Variants in GRIK2 observed in about 807,000 individuals in gnomAD.
GRIK2 encodes glutamate ionotropic receptor kainate type subunit 2.
A neutral mutation model predicts 100.3 loss-of-function variants in GRIK2; 32 were observed. The observed-to-expected ratio is 0.32, with a 90% CI of 0.24 to 0.43. The LOEUF is 0.43. Ranked by LOEUF, GRIK2 falls within the 20% of genes least tolerant of loss-of-function variation. The pLI is 1.00. For missense variants in GRIK2, 843 were observed against 1,114.9 expected (o/e 0.76, Z 3.47); for synonymous variants, 417 against 389.4 (o/e 1.07, Z -0.83).
chr6:101,865,624 C>T, intron 11 of GRIK2, among the ~76,000 whole-genome samples: 1 of 152,274 alleles, frequency 6.6e-6, no homozygotes, highest in East Asian at 1.9e-4. Context: ...TCGTGACTCA[C>T]ACCTGTAATC....
intron 2 of GRIK2, among the ~76,000 whole-genome samples, chr6:101,541,312 T>C (rs1775972014): frequency 6.6e-6 from 1 of 151,010 alleles, no homozygotes; most frequent in African/African-American, 2.4e-5. Context: ...GAAGATGGGA[T>C]GGGCTAGGAA....
At chr6:101,864,706 A>C (rs1191043729) in intron 11 of GRIK2, among the ~76,000 whole-genome samples, 1 of 152,142 alleles carries the variant, frequency 6.6e-6, no homozygotes, top group African/African-American at 2.4e-5. Flanking sequence ...ATGTTTTTGA[A>C]TGTTGCTATA....
intron 2 of GRIK2, among the ~76,000 whole-genome samples, chr6:101,472,109 A>G (rs192605400): frequency 1.3e-5 from 2 of 152,000 alleles, no homozygotes; most frequent in East Asian, 3.9e-4. Flanking sequence ...TATTTGCCAT[A>G]GAGCAATAAT....
intron 2 of GRIK2, among the ~76,000 whole-genome samples, chr6:101,451,035 T>C (rs1448641355): frequency 1.3e-5 from 2 of 151,762 alleles, no homozygotes; most frequent in Non-Finnish European, 3.0e-5. Flanking sequence ...TTTCCCGCTC[T>C]ATTTTTTCAT....
At chr6:102,021,406 G>T (rs1329562891) in intron 14 of GRIK2, among the ~76,000 whole-genome samples, 1 of 146,418 alleles carries the variant, frequency 6.8e-6, no homozygotes, top group Non-Finnish European at 1.5e-5. Flanking sequence ...TTCTTTACAA[G>T]ATAATTATGT....
At chr6:101,959,083 A>C (rs577897697) in intron 14 of GRIK2, among the ~76,000 whole-genome samples, 2 of 152,186 alleles carry the variant, frequency 1.3e-5, no homozygotes, top group East Asian at 3.9e-4. Context: ...ATTTTATGCA[A>C]CAGTTATAGT....
chr6:101,572,721 G>C (rs1412606909), intron 2 of GRIK2, among the ~76,000 whole-genome samples: 1 of 143,386 alleles, frequency 7.0e-6, no homozygotes, highest in Non-Finnish European at 1.5e-5. Flanking sequence ...TTCTACCATA[G>C]AAATTATTTT....
At chr6:101,877,262 G>A (rs2128451546) in intron 11 of GRIK2, among the ~76,000 whole-genome samples, 1 of 151,932 alleles carries the variant, frequency 6.6e-6, no homozygotes, top group South Asian at 2.1e-4. Context: ...TTTATCCTTG[G>A]GTTCCAGATT....
intron 15 of GRIK2, among the ~76,000 whole-genome samples, chr6:102,054,828 T>G (rs1286798739): frequency 6.6e-6 from 1 of 152,172 alleles, no homozygotes; most frequent in Admixed American, 6.6e-5. Flanking sequence ...TACTAGTGAC[T>G]GCCCATTATC....
In GRIK2 at chr6:102,068,771, C is replaced by A; in HGVS notation, c.*260C>A. 2 of 275,488 alleles carry A rather than the reference C, an allele frequency of 7.3e-6. No homozygotes were observed. Among genetic ancestry groups the A allele is most frequent in the East Asian group, 6.8e-5 (1 of 14,768 alleles). 17.1% of individuals were successfully genotyped at this position (275,488 alleles called of 1,614,324 possible). On this transcript the variant is annotated 3_prime_UTR_variant, in exon 17 of 17. Transcript: ENST00000369134. The stretch of plus-strand genomic sequence containing the variant: ...CTTCTTCTGAGTGAATGTTAACATG[C>A]GCATTTTGTGGCTGATTTCAAATGC...
chr6:101,497,394 G>A (rs1170448899), intron 2 of GRIK2, among the ~76,000 whole-genome samples: 2 of 152,070 alleles, frequency 1.3e-5, no homozygotes, highest in African/African-American at 4.8e-5. Context: ...ATATTTTGTT[G>A]ATTTAATGCA....
intron 7 of GRIK2, among the ~76,000 whole-genome samples, chr6:101,686,666 T>C (rs1040568816): frequency 6.6e-6 from 1 of 152,116 alleles, no homozygotes; most frequent in Non-Finnish European, 1.5e-5. Context: ...AAGACATACA[T>C]CTGGTAGTTA....
At chr6:101,595,623 T>C (rs1441936624) in intron 2 of GRIK2, among the ~76,000 whole-genome samples, 1 of 151,010 alleles carries the variant, frequency 6.6e-6, no homozygotes, top group Non-Finnish European at 1.5e-5. Flanking sequence ...CACACATGTG[T>C]ATGCATACAC....
chr6:101,616,045 C>T (rs186940107), intron 2 of GRIK2, among the ~76,000 whole-genome samples: 1 of 151,888 alleles, frequency 6.6e-6, no homozygotes, highest in East Asian at 1.9e-4. Context: ...CTAGGCTTAG[C>T]CTATTTGCCA....
At chr6:101,754,755 GA>G (rs1281838958) in intron 7 of GRIK2, among the ~76,000 whole-genome samples, 1 of 152,206 alleles carries the variant, frequency 6.6e-6, no homozygotes, top group African/African-American at 2.4e-5. Flanking sequence ...TGGATTATGG[GA>G]ACGAGGGATG....
In GRIK2 at chr6:101,487,377, C is replaced by T. The variant is rs1412293910; in HGVS notation, c.115+87985C>T. ...TGTGCAAATTTCTTCACCTCCTGAGCCTCAGTACTACATTTTAAAACTGGA... is the reference window on the plus strand; with the variant it reads ...TGTGCAAATTTCTTCACCTCCTGAGTCTCAGTACTACATTTTAAAACTGGA... On this transcript the variant is annotated intron_variant, in intron 2 of 16. Coordinates refer to ENST00000369134, the MANE Select transcript of GRIK2 (RefSeq NM_021956.5). 6.2e-5 allele frequency among the ~76,000 whole-genome samples: 9 copies of T among 146,160 alleles called. 2 individuals carry two copies. The highest frequency in any genetic ancestry group is 2.4e-4 in the African/African-American group (9 of 38,220).
chr6:101,974,853 C>G (rs1582649095), intron 14 of GRIK2, among the ~76,000 whole-genome samples: 1 of 151,832 alleles, frequency 6.6e-6, no homozygotes, highest in Non-Finnish European at 1.5e-5. Context: ...ATATATAAAA[C>G]AGTTAATCAA....
intron 7 of GRIK2, among the ~76,000 whole-genome samples, chr6:101,736,304 G>A (rs1031143036): frequency 1.3e-5 from 2 of 152,190 alleles, no homozygotes; most frequent in African/African-American, 4.8e-5. Context: ...CCACTAGGCA[G>A]TGCCCCAGTA....
rs10528480 is a variant in GRIK2, at chr6:101,556,321, A to ATTTTTTTTTTTTTTTTTTTTTTTTTTTT, written c.116-65624_116-65597dup. ...AATTGCACTATGTAATATATTGGTA[A>ATTTTTTTTTTTTTTTTTTTTTTTTTTTT]TTTTTTTTTTTTTTTTTTTTTTTTT... On this transcript the variant is annotated intron_variant, in intron 2 of 16. Coordinates refer to ENST00000369134, the MANE Select transcript of GRIK2 (RefSeq NM_021956.5). 7.9e-4 allele frequency among the ~76,000 whole-genome samples: 47 copies of ATTTTTTTTTTTTTTTTTTTTTTTTTTTT among 59,402 alleles called. 12 individuals are homozygous for ATTTTTTTTTTTTTTTTTTTTTTTTTTTT. Among genetic ancestry groups the ATTTTTTTTTTTTTTTTTTTTTTTTTTTT allele is most frequent in the African/African-American group, 9.5e-4 (17 of 17,924 alleles). 39.0% of individuals were successfully genotyped at this position (59,402 alleles called of 152,430 possible).
Sources: gnomAD v4.1 joint callset for allele counts (sites outside exome capture counted in the v4.1 genomes callset) on GRCh38, gnomAD v4.1.1 for gene constraint, MANE v1.5 for transcripts, NCBI Gene and HGNC (gene_info 2026-07-23, HGNC 2026-07-21) for gene names.